Variants in C12orf42 observed in about 807,000 individuals in gnomAD.
The protein encoded by C12orf42 is chromosome 12 open reading frame 42.
C12orf42 carries 25 observed loss-of-function variants against 21.6 expected under a neutral mutation model. That is an observed-to-expected ratio of 1.16 (90% CI 0.84 to 1.62). The LOEUF is 1.62. Ranked by LOEUF, C12orf42 falls within the 40% of genes most tolerant of loss-of-function variation. The pLI, the probability that C12orf42 is intolerant of heterozygous loss-of-function variation, is 0.00. For missense variants in C12orf42, 483 were observed against 459.3 expected (o/e 1.05, Z -0.47); for synonymous variants, 174 against 175.0 (o/e 0.99, Z 0.05).
At chr12:103,530,532 G>A in the C12orf42 span, among the ~76,000 whole-genome samples, 1 of 152,148 alleles carries the variant, frequency 6.6e-6, no homozygotes, top group Non-Finnish European at 1.5e-5. Context: ...CATGAGGGGT[G>A]GGTTTTCTCT....
At chr12:103,404,403 A>G (rs1347020745) in intron 2 of C12orf42, among the ~76,000 whole-genome samples, 1 of 152,264 alleles carries the variant, frequency 6.6e-6, no homozygotes, top group Non-Finnish European at 1.5e-5. Flanking sequence ...ATTGCCAGTC[A>G]TTAACCTGAT....
the C12orf42 span, chr12:103,155,235 A>T: frequency 6.6e-6 from 1 of 152,336 alleles, no homozygotes; most frequent in South Asian, 2.1e-4. Flanking sequence ...CCACGGCCAA[A>T]TCACAGCTCT....
intron 4 of C12orf42, among the ~76,000 whole-genome samples, chr12:103,294,584 G>GAAGGAAAGAAAGAA (rs1566025864): frequency 2.4e-3 from 48 of 19,608 alleles, no homozygotes; most frequent in African/African-American, 8.0e-3. Context: ...AGGAAGGAAG[G>GAAGGAAAGAAAGAA]AAAGAAAGAA....
intron 3 of C12orf42, among the ~76,000 whole-genome samples, chr12:103,373,955 C>T (rs2045478848): frequency 6.6e-6 from 1 of 152,138 alleles, no homozygotes; most frequent in South Asian, 2.1e-4. Flanking sequence ...TCATCATGCC[C>T]TGTGTGATTT....
intron 2 of C12orf42, among the ~76,000 whole-genome samples, chr12:103,446,214 C>T (rs950534986): frequency 1.8e-4 from 28 of 152,002 alleles, no homozygotes; most frequent in Non-Finnish European, 2.5e-4. Flanking sequence ...TATTTTTAGC[C>T]TCCTTAAACA....
the C12orf42 span, among the ~76,000 whole-genome samples, chr12:103,190,855 T>C: frequency 6.6e-6 from 1 of 151,966 alleles, no homozygotes; most frequent in African/African-American, 2.4e-5. Flanking sequence ...AAAGAAATAA[T>C]GGCCATAAAC....
chr12:103,135,202 C>T, the C12orf42 span, among the ~76,000 whole-genome samples: 1 of 152,110 alleles, frequency 6.6e-6, no homozygotes, highest in Non-Finnish European at 1.5e-5. Context: ...TGCCTGTAAT[C>T]CCAGCACTGT....
the C12orf42 span, among the ~76,000 whole-genome samples, chr12:103,118,528 G>A: frequency 2.0e-5 from 3 of 152,016 alleles, no homozygotes; most frequent in South Asian, 2.1e-4. Flanking sequence ...GCTGGGCGCG[G>A]TGGCTCATGC....
chr12:103,448,951 C>T (rs1951751271), intron 2 of C12orf42, among the ~76,000 whole-genome samples: 1 of 151,950 alleles, frequency 6.6e-6, no homozygotes, highest in African/African-American at 2.4e-5. Flanking sequence ...TAGGTGCCTA[C>T]CCAGAGGAAA....
rs142161411 is a variant in C12orf42 at position 103,452,432 on chromosome 12, C to A, written c.78+25917G>T. On this transcript the variant is annotated intron_variant, in intron 2 of 5. Coordinates refer to ENST00000548883, the MANE Select transcript of C12orf42 (RefSeq NM_198521.5). Reference sequence around the variant, plus strand: ...AATTAAGGAAATAGATTCCACCTCTCGATAGGAGAAGCTACAAAGTCATAT... The same window carrying A: ...AATTAAGGAAATAGATTCCACCTCTAGATAGGAGAAGCTACAAAGTCATAT... Among the ~76,000 whole-genome samples the A allele has an allele frequency of 3.9e-5, 6 of 152,050 alleles. No homozygotes were observed. In the South Asian group the frequency reaches 1.2e-3, roughly 32 times the overall value.
chr12:103,070,356 C>G, the C12orf42 span, among the ~76,000 whole-genome samples: 1 of 152,080 alleles, frequency 6.6e-6, no homozygotes, highest in Admixed American at 6.6e-5. Flanking sequence ...CTCAGTTTCT[C>G]AGTGCCTCAC....
At chr12:103,312,449 C>T (rs57215630) in intron 4 of C12orf42, among the ~76,000 whole-genome samples, 7,225 of 152,268 alleles carry the variant, frequency 0.047, 395 homozygotes, top group African/African-American at 0.14. Context: ...TTCTAACATA[C>T]AGAAGAAGAA....
chr12:103,381,999 T>C (rs529221414), intron 3 of C12orf42, among the ~76,000 whole-genome samples: 12 of 152,290 alleles, frequency 7.9e-5, no homozygotes, highest in Admixed American at 4.6e-4. Context: ...CTCTACTTGA[T>C]TGGATAGTTA....
the C12orf42 span, among the ~76,000 whole-genome samples, chr12:103,161,261 T>A: frequency 6.6e-6 from 1 of 152,186 alleles, no homozygotes. Context: ...TTCCAAATAG[T>A]TAAGCATTGA....
chr12:103,407,396 C>A (rs568049655), intron 2 of C12orf42, among the ~76,000 whole-genome samples: 2 of 152,124 alleles, frequency 1.3e-5, no homozygotes, highest in Admixed American at 6.5e-5. Flanking sequence ...ATCTTTGCCA[C>A]CCCTGAGACA....
the C12orf42 span, among the ~76,000 whole-genome samples, chr12:103,199,632 A>G: frequency 8.9e-4 from 136 of 152,338 alleles, no homozygotes; most frequent in Non-Finnish European, 1.2e-3. Context: ...CAAATAACCT[A>G]ATGTTAAAAT....
At chr12:103,276,318 A>G (rs2035769957) in intron 5 of C12orf42, among the ~76,000 whole-genome samples, 1 of 152,178 alleles carries the variant, frequency 6.6e-6, no homozygotes, top group Non-Finnish European at 1.5e-5. Flanking sequence ...ATGGAAACAA[A>G]GTTGATGACT....
the C12orf42 span, among the ~76,000 whole-genome samples, chr12:103,204,218 A>G: frequency 6.6e-6 from 1 of 152,182 alleles, no homozygotes; most frequent in Non-Finnish European, 1.5e-5. Flanking sequence ...GCTGGGAGTC[A>G]TTGCCCTAAG....
chr12:103,301,937 AT>A, downstream of C12orf42: 1 of 732,040 alleles, frequency 1.4e-6, no homozygotes, highest in Non-Finnish European at 2.2e-6. Flanking sequence ...CAAAAGGAAC[AT>A]TTTTGGCTGC....
Sources: allele counts gnomAD v4.1 joint callset (sites outside exome capture counted in the v4.1 genomes callset), GRCh38; gene constraint gnomAD v4.1.1; transcripts MANE v1.5; gene names NCBI Gene and HGNC (gene_info 2026-07-23, HGNC 2026-07-21).